The following ST3GAL2 variants were observed in gnomAD, a reference collection of about 807,000 sequenced individuals.
The protein encoded by ST3GAL2 is ST3 beta-galactoside alpha-2,3-sialyltransferase 2, also known as CMP-N-acetylneuraminate-beta-galactosamide-alpha-2,3-sialyltransferase 2.
In ST3GAL2, 16 loss-of-function variants were observed where a neutral mutation model predicts 37.5. The observed-to-expected ratio is 0.43, with a 90% CI of 0.29 to 0.65. ST3GAL2 has a LOEUF of 0.65. ST3GAL2 is among the 30% of genes least tolerant of loss of function. The pLI is 0.17. For missense variants in ST3GAL2, 383 were observed against 487.8 expected, an observed-to-expected ratio of 0.79 and a Z score of 2.02; for synonymous variants, 238 against 202.9, an observed-to-expected ratio of 1.17 and a Z score of -1.47.
chr16:70,407,662 G>A (rs1356680520), intron 1 of ST3GAL2, among the ~76,000 whole-genome samples: 1 of 152,082 alleles, frequency 6.6e-6, no homozygotes, highest in African/African-American at 2.4e-5. Flanking sequence ...CCCAGTACAA[G>A]GAACCTCAAA....
intron 1 of ST3GAL2, among the ~76,000 whole-genome samples, chr16:70,409,225 T>G (rs957700858): frequency 7.2e-5 from 11 of 152,156 alleles, no homozygotes; most frequent in Non-Finnish European, 7.3e-5. Flanking sequence ...ATCGCTTCAG[T>G]CCAGGGGTTG....
At chr16:70,434,161 A>T (rs2047809125) in intron 1 of ST3GAL2, among the ~76,000 whole-genome samples, 1 of 152,228 alleles carries the variant, frequency 6.6e-6, no homozygotes, top group Non-Finnish European at 1.5e-5. Flanking sequence ...AGACTTGGCC[A>T]GGCACAGTGT....
At chr16:70,392,651 C>T (rs1244407551) in intron 3 of ST3GAL2, among the ~76,000 whole-genome samples, 4 of 152,082 alleles carry the variant, frequency 2.6e-5, no homozygotes, top group Non-Finnish European at 4.4e-5. Flanking sequence ...TGAGTGGCAG[C>T]GAGGTGGGTG....
intron 6 of ST3GAL2, 90 bp from the exon 7 acceptor site, chr16:70,381,952 G>A (rs1374850348): frequency 5.2e-6 from 8 of 1,535,384 alleles, no homozygotes; most frequent in African/African-American, 2.7e-5. Flanking sequence ...GAGAGGGGAC[G>A]GGAGGCCCCG....
At chr16:70,413,560 CAAAAAAAAA>C (rs978301918) in intron 1 of ST3GAL2, among the ~76,000 whole-genome samples, 4,498 of 32,102 alleles carry the variant, frequency 0.14, 251 homozygotes, top group African/African-American at 0.23. Flanking sequence ...ATCAAAAATA[CAAAAAAAAA>C]AAAAAAAAAA....
chr16:70,418,729 C>A (rs1021122831), intron 1 of ST3GAL2, among the ~76,000 whole-genome samples: 5 of 152,208 alleles, frequency 3.3e-5, no homozygotes, highest in African/African-American at 1.2e-4. Flanking sequence ...TGTGGAGGAC[C>A]AGGTTGGGGG....
intron 1 of ST3GAL2, among the ~76,000 whole-genome samples, chr16:70,437,537 C>G (rs2047834121): frequency 7.7e-6 from 1 of 130,386 alleles, no homozygotes; most frequent in African/African-American, 3.0e-5. Flanking sequence ...GAGGACAAAA[C>G]AAAAAACCTG....
At chr16:70,397,043 C>CTTTTTTTTTTTT (rs35885469) in intron 2 of ST3GAL2, among the ~76,000 whole-genome samples, 1 of 130,270 alleles carries the variant, frequency 7.7e-6, no homozygotes, top group Non-Finnish European at 1.6e-5. Context: ...TCTTTTCTTT[C>CTTTTTTTTTTTT]TTTTTTTTTT....
intron 1 of ST3GAL2, among the ~76,000 whole-genome samples, chr16:70,405,288 TC>T (rs2047582036): frequency 6.6e-6 from 1 of 152,078 alleles, no homozygotes; most frequent in Admixed American, 6.6e-5. Flanking sequence ...ACGCCTGTAA[TC>T]CCAGCACTTT....
chr16:70,389,630 AATTTTTTGT>A (rs2047468895), intron 3 of ST3GAL2, among the ~76,000 whole-genome samples: 2 of 151,610 alleles, frequency 1.3e-5, no homozygotes, highest in East Asian at 3.9e-4. Flanking sequence ...ACGTCCAGCT[AATTTTTTGT>A]ATTTTCAGTA....
chr16:70,410,284 C>T (rs1382772228), intron 1 of ST3GAL2, among the ~76,000 whole-genome samples: 16 of 77,228 alleles, frequency 2.1e-4, no homozygotes, highest in African/African-American at 3.0e-4. Context: ...GGAGTCTCAC[C>T]CTGTCACCCA....
chr16:70,410,758 C>T (rs2047632081), intron 1 of ST3GAL2, among the ~76,000 whole-genome samples: 1 of 144,832 alleles, frequency 6.9e-6, no homozygotes, highest in Non-Finnish European at 1.5e-5. Flanking sequence ...ATGTGGTCAA[C>T]AATTCTAGTT....
chr16:70,390,491 T>G (rs910088322), intron 3 of ST3GAL2, among the ~76,000 whole-genome samples: 3 of 152,238 alleles, frequency 2.0e-5, no homozygotes, highest in African/African-American at 7.2e-5. Context: ...AGTTCAAGCC[T>G]TCCCTCAGGC....
At chr16:70,414,872 T>A (rs891291451) in intron 1 of ST3GAL2, among the ~76,000 whole-genome samples, 10 of 148,244 alleles carry the variant, frequency 6.7e-5, no homozygotes, top group East Asian at 3.9e-4. Flanking sequence ...TTTATTTATT[T>A]ATTATTTATT....
chr16:70,417,877 G>A (rs976294131), intron 1 of ST3GAL2, among the ~76,000 whole-genome samples: 1 of 152,114 alleles, frequency 6.6e-6, no homozygotes, highest in Non-Finnish European at 1.5e-5. Context: ...CCTCCAGGGG[G>A]CCATTAAACT....
chr16:70,422,652 G>C lies in ST3GAL2; in HGVS notation c.-1004+16297C>G, dbSNP rs564288822. Among the ~76,000 whole-genome samples the C allele has an allele frequency of 2.0e-5, 3 of 152,224 alleles. No homozygotes were observed. The East Asian group carries it at 5.8e-4, about 29-fold the overall frequency. Reference sequence around the variant, plus strand: ...AAGCTCCCAGGCACACCAGCATTTTGCTAATACACACATAACGCCACACCC... The same window carrying C: ...AAGCTCCCAGGCACACCAGCATTTTCCTAATACACACATAACGCCACACCC... On this transcript the variant is annotated intron_variant, in intron 1 of 6. Transcript: ENST00000342907.
At position 70,377,915 on chromosome 16, in the gene ST3GAL2, A is replaced by G. The variant is rs1462078767; in HGVS notation, c.*3774T>C. On this transcript the variant is annotated 3_prime_UTR_variant, in exon 7 of 7. Coordinates refer to ENST00000342907, the MANE Select transcript of ST3GAL2 (RefSeq NM_006927.4). ...AGGAAGAAAAAGGTGTCTAGTAAGT[A>G]CAAGATGAAACATCACTTACCTAAC... 1 of 152,250 alleles carries G rather than the reference A, an allele frequency of 6.6e-6. No individual in the cohort carries two copies. The highest frequency in any genetic ancestry group is 1.5e-5 in the Non-Finnish European group (1 of 68,046). 9.4% of individuals were successfully genotyped at this position (152,250 alleles called of 1,614,324 possible).
rs2047456397 is a variant in ST3GAL2 at position 70,388,261 on chromosome 16, T to C, written c.713+106A>G. 2.0e-6 allele frequency: 3 copies of C among 1,491,710 alleles called. No individual in the cohort carries two copies. The South Asian group carries it at 3.7e-5, about 18-fold the overall frequency. The allele number at this position is 1,491,710 out of a possible 1,614,324, so 92.4% of individuals were successfully genotyped here. On this transcript the variant is annotated intron_variant, in intron 4 of 6. Transcript: ENST00000342907. ...GGCCCTCCCTTCTCACCAGCCCCTCTTGGCCAAAATGTTCAATGAAAGGAA... is the reference window on the plus strand; with the variant it reads ...GGCCCTCCCTTCTCACCAGCCCCTCCTGGCCAAAATGTTCAATGAAAGGAA...
At position 70,398,370 on chromosome 16, in the gene ST3GAL2, T is replaced by C; in HGVS notation, c.161A>G (p.Tyr54Cys). Residue 54 changes from tyrosine to cysteine, a missense_variant, in exon 2 of 7, where the codon TAT (tyrosine) becomes TGT (cysteine). Physicochemically the swap from Tyr to Cys is radical, Grantham distance 194. This residue lies in a region of ST3GAL2 where 223 missense variants were observed against 239.1 expected (regional missense o/e 0.93). Transcript: ENST00000342907. ...CTTGCTGAGGCGCTGCAGGCCGGCA[T>C]AGCCGGGCACCAGCTTCACCCGGTG... ...GTHRVKLVPG[Y>C]AGLQRLSKER... The C allele has an allele frequency of 6.2e-7, 1 of 1,613,480 alleles. No homozygotes were observed. The highest frequency in any genetic ancestry group is 8.5e-7 in the Non-Finnish European group (1 of 1,180,010).
Sources: gnomAD v4.1 joint callset for allele counts (sites outside exome capture counted in the v4.1 genomes callset) on GRCh38, gnomAD v4.1.1 for gene constraint, gnomAD v4.1.1 regional missense constraint, MANE v1.5 for transcripts, NCBI Gene and HGNC (gene_info 2026-07-23, HGNC 2026-07-21) for gene names.